The following SPAG16 variants were observed in gnomAD, a reference collection of about 807,000 sequenced individuals.
The protein encoded by SPAG16 is sperm-associated antigen 16 protein.
A neutral mutation model predicts 80.4 loss-of-function variants in SPAG16; 86 were observed. The ratio of observed to expected loss-of-function variants is 1.07; its 90% CI spans 0.90 to 1.28. The LOEUF is 1.28. Ranked by LOEUF, SPAG16 falls within the 50% of genes most tolerant of loss-of-function variation. The pLI is 0.00. For synonymous variants in SPAG16, 294 were observed against 265.9 expected (o/e 1.11, Z -1.03); for missense variants, 870 against 765.3 (o/e 1.14, Z -1.61).
In SPAG16 at chr2:214,108,245, C is replaced by T. The variant is rs1352788129; in HGVS notation, c.1577C>T (p.Ala526Val). The T allele has an allele frequency of 3.1e-6, 5 of 1,600,540 alleles. No individual in the cohort carries two copies. Among genetic ancestry groups the T allele is most frequent in the African/African-American group, 1.3e-5 (1 of 74,704 alleles). Reference sequence around the variant, plus strand: ...GGTCACATGCATTCTATCAATGATGCCATTTTTGATCCCAGGGTAAGTTCA... The same window carrying T: ...GGTCACATGCATTCTATCAATGATGTCATTTTTGATCCCAGGGTAAGTTCA... The part of the protein sequence containing the change: ...LYGHMHSIND[A>V]IFDPRGHMIA... Residue 526 changes from alanine (A) to valine (V), a missense_variant, in exon 14 of 16, where the codon GCC becomes GTC. Transcript: ENST00000331683.
At chr2:214,306,593 T>C (rs917693467) in intron 15 of SPAG16, among the ~76,000 whole-genome samples, 1 of 152,200 alleles carries the variant, frequency 6.6e-6, no homozygotes, top group African/African-American at 2.4e-5. Context: ...TGGATGGATG[T>C]TGAGTTTTAT....
chr2:214,084,782 T>C (rs1385003784), intron 13 of SPAG16, among the ~76,000 whole-genome samples: 1 of 152,230 alleles, frequency 6.6e-6, no homozygotes, highest in Non-Finnish European at 1.5e-5. Context: ...ATTTCATACA[T>C]TCAGTTACTA....
intron 10 of SPAG16, among the ~76,000 whole-genome samples, chr2:213,799,960 GAAA>G (rs11296127): frequency 1.5e-4 from 20 of 130,536 alleles, no homozygotes; most frequent in Non-Finnish European, 1.6e-4. Context: ...AGACTGGATT[GAAA>G]AAAAAAAAAA....
At chr2:213,359,111 G>C (rs1311282403) in intron 7 of SPAG16, among the ~76,000 whole-genome samples, 1 of 152,184 alleles carries the variant, frequency 6.6e-6, no homozygotes, top group Non-Finnish European at 1.5e-5. Context: ...ATATTGCAGA[G>C]CAGCAAATAT....
intron 15 of SPAG16, among the ~76,000 whole-genome samples, chr2:214,401,362 A>G (rs1377247968): frequency 6.6e-6 from 1 of 151,934 alleles, no homozygotes; most frequent in Non-Finnish European, 1.5e-5. Flanking sequence ...ATCTGTTCTG[A>G]TGTGTATAAA....
At chr2:214,242,962 T>A (rs182774508) in intron 15 of SPAG16, among the ~76,000 whole-genome samples, 26 of 152,268 alleles carry the variant, frequency 1.7e-4, no homozygotes, top group African/African-American at 6.0e-4. Context: ...AACTGAATTC[T>A]CTTAAGCTTA....
chr2:213,861,641 T>G (rs1158942315), intron 10 of SPAG16, among the ~76,000 whole-genome samples: 15 of 152,206 alleles, frequency 9.9e-5, no homozygotes, highest in Non-Finnish European at 1.6e-4. Context: ...CCCATTACAT[T>G]GTAAGGCATA....
chr2:213,549,560 A>G (rs1057039583), intron 10 of SPAG16, among the ~76,000 whole-genome samples: 4 of 152,124 alleles, frequency 2.6e-5, no homozygotes, highest in African/African-American at 7.2e-5. Flanking sequence ...GGTTGTCTCT[A>G]TCTTAGACAA....
intron 15 of SPAG16, among the ~76,000 whole-genome samples, chr2:214,195,334 T>TAGATAGATAGATA (rs1461627655): frequency 2.0e-5 from 3 of 151,792 alleles, no homozygotes; most frequent in Admixed American, 1.3e-4. Flanking sequence ...GATAGATAGA[T>TAGATAGATAGATA]ATTTGAGAGA....
rs149063365 is a variant in SPAG16, at chr2:214,226,655, A to C, written c.1720+77389A>C. 1.2e-3 allele frequency among the ~76,000 whole-genome samples: 188 copies of C among 152,086 alleles called. 2 individuals carry two copies. The highest frequency in any genetic ancestry group is 3.9e-3 in the African/African-American group (163 of 41,518). Reference sequence around the variant, plus strand: ...TCAAAGGCTGTTTAAAACACTTCCAAATACTCCCCCCAAAGCTTACCCTGG... The same window carrying C: ...TCAAAGGCTGTTTAAAACACTTCCACATACTCCCCCCAAAGCTTACCCTGG... On this transcript the variant is annotated intron_variant, in intron 15 of 15. Coordinates refer to ENST00000331683, the MANE Select transcript of SPAG16 (RefSeq NM_024532.5).
At chr2:213,731,161 T>G (rs1236994388) in intron 10 of SPAG16, among the ~76,000 whole-genome samples, 1 of 146,576 alleles carries the variant, frequency 6.8e-6, no homozygotes, top group Admixed American at 6.9e-5. Flanking sequence ...GAGTTTTTTT[T>G]TTTTTTTTTT....
chr2:213,333,524 C>G lies in SPAG16; in HGVS notation c.537-6639C>G, dbSNP rs528779711. Among the ~76,000 whole-genome samples, 3 of 152,068 alleles carry G rather than the reference C, an allele frequency of 2.0e-5. No homozygotes were observed. In the South Asian group the frequency reaches 6.2e-4, roughly 32 times the overall value. On this transcript the variant is annotated intron_variant, in intron 5 of 15. Transcript: ENST00000331683. ...CAATCCTAAAATTTATGTAGAATCA[C>G]AAAAGATCCAGAATAGGCAAAGCTA... is the stretch of plus-strand genomic sequence containing the variant.
chr2:213,529,059 A>G (rs1575849548), intron 10 of SPAG16, among the ~76,000 whole-genome samples: 2 of 152,208 alleles, frequency 1.3e-5, no homozygotes, highest in East Asian at 3.8e-4. Context: ...ACTCAGGCTG[A>G]TAATATTTCT....
At chr2:213,836,743 A>G (rs978555716) in intron 10 of SPAG16, among the ~76,000 whole-genome samples, 3 of 151,972 alleles carry the variant, frequency 2.0e-5, no homozygotes, top group African/African-American at 7.3e-5. Flanking sequence ...CCCACTGAGT[A>G]GCTAGGATTG....
At chr2:213,733,983 G>A (rs528496958) in intron 10 of SPAG16, among the ~76,000 whole-genome samples, 4 of 152,088 alleles carry the variant, frequency 2.6e-5, no homozygotes, top group African/African-American at 9.6e-5. Context: ...AAAGGAGTCC[G>A]TTACTAAACC....
intron 15 of SPAG16, among the ~76,000 whole-genome samples, chr2:214,184,288 A>G (rs896009376): frequency 6.6e-6 from 1 of 152,016 alleles, no homozygotes; most frequent in African/African-American, 2.4e-5. Flanking sequence ...AAAACTCACC[A>G]AGGATTATTT....
At chr2:213,871,792 C>A in intron 11 of SPAG16, among the ~76,000 whole-genome samples, 1 of 150,648 alleles carries the variant, frequency 6.6e-6, no homozygotes, top group East Asian at 2.0e-4. Context: ...CTTCTGTGAC[C>A]ACACCAAACA....
chr2:213,879,660 A>T (rs2076272558), intron 11 of SPAG16, among the ~76,000 whole-genome samples: 1 of 151,874 alleles, frequency 6.6e-6, no homozygotes, highest in Non-Finnish European at 1.5e-5. Context: ...GTAGTCTGCC[A>T]TGTCTATTGT....
chr2:214,364,871 A>G (rs373568803), intron 15 of SPAG16, among the ~76,000 whole-genome samples: 54 of 152,178 alleles, frequency 3.5e-4, no homozygotes, highest in African/African-American at 1.3e-3. Flanking sequence ...ATGGTTTGTG[A>G]GCAGAGAGGT....
Sources: allele counts gnomAD v4.1 joint callset (sites outside exome capture counted in the v4.1 genomes callset), GRCh38; gene constraint gnomAD v4.1.1; transcripts MANE v1.5; gene names NCBI Gene and HGNC (gene_info 2026-07-23, HGNC 2026-07-21).